CRNKL1: variants seen among roughly 807,000 people sequenced by gnomAD.
CRNKL1 encodes crooked neck pre-mRNA splicing factor 1, also known as crooked neck-like protein 1.
Under a neutral mutation model 103.7 loss-of-function variants are expected in CRNKL1, and 35 were observed. That is an observed-to-expected ratio of 0.34 (90% CI 0.26 to 0.45). The LOEUF (loss-of-function observed/expected upper bound fraction) is 0.45, where lower values mean the gene tolerates loss of function less well. Among genes scored for constraint, CRNKL1 ranks in the 20% least tolerant of loss-of-function variants. The pLI is 1.00. For synonymous variants in CRNKL1, 267 were observed against 282.6 expected, an observed-to-expected ratio of 0.94 and a Z score of 0.55; for missense variants, 645 against 836.0, an observed-to-expected ratio of 0.77 and a Z score of 2.82.
chr20:20,051,418 G>A lies in CRNKL1; in HGVS notation c.52-796C>T, dbSNP rs113095263. Reference sequence around the variant, plus strand: ...GAAAATTTAAAATTTCATATGTGGTGTGCATTATATTTCCATTGGACCAGT... The same window carrying A: ...GAAAATTTAAAATTTCATATGTGGTATGCATTATATTTCCATTGGACCAGT... On this transcript the variant is annotated intron_variant, in intron 1 of 13. Transcript: ENST00000536226. Among the ~76,000 whole-genome samples the A allele has an allele frequency of 2.2e-3, 328 of 152,236 alleles. 1 individual carries two copies. The highest frequency in any genetic ancestry group is 3.7e-3 in the Non-Finnish European group (254 of 68,010).
intron 5 of CRNKL1, 81 bp downstream of exon 5, chr20:20,047,684 C>T (rs966053991): frequency 7.1e-7 from 1 of 1,405,560 alleles, no homozygotes; most frequent in African/African-American, 1.4e-5. Flanking sequence ...ACTGTGTGTC[C>T]TGATCATGAG....
intron 11 of CRNKL1, among the ~76,000 whole-genome samples, chr20:20,039,388 T>G (rs142723948): frequency 6.6e-6 from 1 of 152,314 alleles, no homozygotes; most frequent in Non-Finnish European, 1.5e-5. Context: ...CAGTTCATCC[T>G]GGGCATCATC....
Position 20,037,438 on chromosome 20 carries a change from A to G in CRNKL1, c.1781T>C (p.Leu594Pro). The G allele has an allele frequency of 6.2e-7, 1 of 1,614,190 alleles. No homozygotes were observed. Among genetic ancestry groups the G allele is most frequent in the African/African-American group, 1.3e-5 (1 of 75,064 alleles). The change falls in exon 13 of 14, where the codon CTG (leucine) becomes CCG (proline). Residue 594 changes from leucine to proline, a missense_variant. Physicochemically the swap from Leu to Pro is moderately conservative, Grantham distance 98. Around this residue, in one of 2 missense-constraint regions of CRNKL1, gnomAD observed 582 missense variants for 707.7 expected, o/e 0.82. Coordinates refer to ENST00000536226, the MANE Select transcript of CRNKL1 (RefSeq NM_001278628.2). ...CEEKEERLML[L>P]ESWRSFEEEF... is the part of the protein sequence containing the mutation. ...TTCTTCAAAACTTCGCCAAGATTCC[A>G]GCAGCATAAGTCTCTCTTCCTTTTC...
chr20:20,042,570 C>A lies in CRNKL1; in HGVS notation c.973-54G>T, dbSNP rs2043533072. 8 of 1,517,004 alleles carry A rather than the reference C, an allele frequency of 5.3e-6. No individual in the cohort carries two copies. The South Asian group carries it at 8.9e-5, about 17-fold the overall frequency. The allele number at this position is 1,517,004 out of a possible 1,614,324, so 94.0% of individuals were successfully genotyped here. The stretch of plus-strand genomic sequence containing the variant: ...AAAACAAAACCAAGAGCTGCACTTG[C>A]CAGGTTAAGCAAGCTGAAAAAAGGC... On this transcript the variant is annotated intron_variant, in intron 7 of 13. Transcript: ENST00000536226.
chr20:20,037,896 G>A (rs1402086952), intron 12 of CRNKL1, among the ~76,000 whole-genome samples: 2 of 152,080 alleles, frequency 1.3e-5, no homozygotes, highest in African/African-American at 2.4e-5. Flanking sequence ...AGACCATCCT[G>A]GCCAACAGGT....
In CRNKL1 at chr20:20,043,671, A is replaced by G; in HGVS notation, c.802-9T>C. 6.2e-7 allele frequency: 1 copy of G among 1,609,802 alleles called. No individual in the cohort carries two copies. The highest frequency in any genetic ancestry group is 8.5e-7 in the Non-Finnish European group (1 of 1,176,348). ...ACTCGTACCCTTTCAAACTAAATGC[A>G]GACAGGATGATTACCTTCTATAACA... On this transcript the variant is annotated splice_polypyrimidine_tract_variant and intron_variant, in intron 6 of 13. Transcript: ENST00000536226.
chr20:20,055,471 G>A (rs2044240944), upstream of CRNKL1, among the ~76,000 whole-genome samples: 1 of 152,086 alleles, frequency 6.6e-6, no homozygotes, highest in Admixed American at 6.5e-5. Flanking sequence ...GTAGATGCAT[G>A]GTTTAATTTT....
In CRNKL1 at chr20:20,045,398, C is replaced by T. The variant is rs1224019963; in HGVS notation, c.711G>A (p.Val237=). The T allele has an allele frequency of 2.5e-6, 4 of 1,613,598 alleles. No individual in the cohort carries two copies. The Admixed American group carries it at 5.0e-5, about 20-fold the overall frequency. Residue 237 remains valine, a synonymous_variant, in exon 6 of 14, where the codon GTG becomes GTA. Coordinates refer to ENST00000536226, the MANE Select transcript of CRNKL1 (RefSeq NM_001278628.2). ...CAAAGAATTCCACAGCTCTCTCATA[C>T]ACTTTCCGTGCATGGGCAAAATAAG... ...KHAYFAHARK[V]YERAVEFFGD...
intron 1 of CRNKL1, 130 bp from the exon 2 acceptor site, chr20:20,050,752 T>C (rs996888648): frequency 1.4e-6 from 1 of 711,980 alleles, no homozygotes; most frequent in Non-Finnish European, 2.2e-6. Context: ...TATGACATGT[T>C]CCCATTCCTC....
Position 20,041,582 on chromosome 20 carries a change from A to T in CRNKL1, c.1208T>A (p.Leu403Gln). 6.2e-7 allele frequency: 1 copy of T among 1,613,400 alleles called. No homozygotes were observed. Among genetic ancestry groups the T allele is most frequent in the Non-Finnish European group, 8.5e-7 (1 of 1,179,338 alleles). Residue 403 changes from leucine to glutamine, a missense_variant, in exon 9 of 14, where the codon CTA becomes CAA. Physicochemically the swap from Leu to Gln is moderately radical, Grantham distance 113 (BLOSUM62 -2). This residue lies in a region of CRNKL1 where 582 missense variants were observed against 707.7 expected (regional missense o/e 0.82). Transcript: ENST00000536226. ...CAAACATACCTTTTTGTGAGGAATTAGTTCCAAAGAGGCTTGATACACCTG... is the reference window on the plus strand; with the variant it reads ...CAAACATACCTTTTTGTGAGGAATTTGTTCCAAAGAGGCTTGATACACCTG... ...TRQVYQASLE[L>Q]IPHKKFTFAK...
chr20:20,049,498 T>C (rs1369730139), intron 2 of CRNKL1, 67 bp from the exon 3 acceptor site: 2 of 786,826 alleles, frequency 2.5e-6, no homozygotes, highest in African/African-American at 1.7e-5. Flanking sequence ...CCTTGGTCTA[T>C]TTTAAGTCTT....
chr20:20,041,556 G>A lies in CRNKL1; in HGVS notation c.1224+10C>T. On this transcript the variant is annotated intron_variant, in intron 9 of 13. Transcript: ENST00000536226. ...CCTGTTTGAAATGGAACACTTTAGAGCAAACATACCTTTTTGTGAGGAATT... is the reference window on the plus strand; with the variant it reads ...CCTGTTTGAAATGGAACACTTTAGAACAAACATACCTTTTTGTGAGGAATT... 1.2e-6 allele frequency: 2 copies of A among 1,606,190 alleles called. No individual in the cohort carries two copies. The highest frequency in any genetic ancestry group is 1.7e-6 in the Non-Finnish European group (2 of 1,172,808).
chr20:20,049,251 AC>A (rs2043645092), intron 3 of CRNKL1, 88 bp downstream of exon 3: 2 of 785,004 alleles, frequency 2.5e-6, no homozygotes, highest in Non-Finnish European at 4.1e-6. Context: ...ACAATCTTTT[AC>A]CTGTGCTTTA....
chr20:20,052,286 G>A lies in CRNKL1; in HGVS notation c.51+6C>T, dbSNP rs757605082. 3 of 1,605,560 alleles carry A rather than the reference G, an allele frequency of 1.9e-6. No homozygotes were observed. The highest frequency in any genetic ancestry group is 3.3e-5 in the Admixed American group (2 of 59,786). On this transcript the variant is annotated splice_donor_region_variant and intron_variant, in intron 1 of 13. Coordinates refer to ENST00000536226, the MANE Select transcript of CRNKL1 (RefSeq NM_001278628.2). Reference sequence around the variant, plus strand: ...ACCTCCTACAAGGCCCCTCGCGATCGCCTACCTTGGCCACTTTGGGAATCC... The same window carrying A: ...ACCTCCTACAAGGCCCCTCGCGATCACCTACCTTGGCCACTTTGGGAATCC...
chr20:20,038,934 G>A (rs79498659), intron 11 of CRNKL1, among the ~76,000 whole-genome samples: 5,713 of 152,238 alleles, frequency 0.038, 383 homozygotes, highest in African/African-American at 0.13. Flanking sequence ...TGAATAAACC[G>A]TGGCATGGAC....
At chr20:20,054,303 T>G (rs2044090973), upstream of CRNKL1, among the ~76,000 whole-genome samples, 1 of 152,066 alleles carries the variant, frequency 6.6e-6, no homozygotes, top group Non-Finnish European at 1.5e-5. Context: ...TCCTTTTATA[T>G]TTTTAAAACA....
At chr20:20,054,657 A>G (rs996072807), upstream of CRNKL1, among the ~76,000 whole-genome samples, 12 of 152,214 alleles carry the variant, frequency 7.9e-5, no homozygotes, top group African/African-American at 2.7e-4. Context: ...CATGTGGCTC[A>G]TAAAGCTTAA....
Position 20,036,028 on chromosome 20 carries a change from C to A in CRNKL1, c.*167G>T. ...TTAAAAAAGTCCTTTACTTGCAATC[C>A]CTACCCCTAGCTAACCCAAGAGCAT... On this transcript the variant is annotated 3_prime_UTR_variant, in exon 14 of 14. Coordinates refer to ENST00000536226, the MANE Select transcript of CRNKL1 (RefSeq NM_001278628.2). The A allele has an allele frequency of 1.4e-6, 1 of 695,524 alleles. No homozygotes were observed. Among genetic ancestry groups the A allele is most frequent in the Non-Finnish European group, 2.3e-6 (1 of 444,406 alleles). The allele number at this position is 695,524 out of a possible 1,614,324, so 43.1% of individuals were successfully genotyped here.
intron 11 of CRNKL1, among the ~76,000 whole-genome samples, chr20:20,039,030 CA>C (rs1239204427): frequency 2.2e-4 from 33 of 152,194 alleles, no homozygotes; most frequent in Admixed American, 2.1e-3. Flanking sequence ...TTAATGCAAT[CA>C]GGGGGCCAAA....
Sources: allele counts gnomAD v4.1 joint callset (sites outside exome capture counted in the v4.1 genomes callset), GRCh38; gene constraint gnomAD v4.1.1; regional missense constraint gnomAD v4.1.1; transcripts MANE v1.5; gene names NCBI Gene and HGNC (gene_info 2026-07-23, HGNC 2026-07-21).